CA5A: variants seen among roughly 807,000 people sequenced by gnomAD.
The protein encoded by CA5A is carbonic anhydrase 5A, also known as carbonic anhydrase 5A, mitochondrial.
Under a neutral mutation model 37.1 loss-of-function variants are expected in CA5A, and 28 were observed. The observed-to-expected ratio is 0.75, with a 90% CI of 0.56 to 1.03. The LOEUF is 1.03. Ranked by LOEUF, CA5A falls within the 50% of genes least tolerant of loss-of-function variation. The pLI is 0.00. For missense variants in CA5A, 444 were observed against 399.9 expected (o/e 1.11, Z -0.94); for synonymous variants, 171 against 158.4 (o/e 1.08, Z -0.60).
chr16:87,902,375 T>C (rs1287173598), intron 4 of CA5A, 50 bp downstream of exon 4: 2 of 1,104,488 alleles, frequency 1.8e-6, no homozygotes, highest in African/African-American at 1.6e-5. Flanking sequence ...GCAATCCTAA[T>C]GATGGATCAC....
At chr16:87,904,297 G>A (rs1034136653) in intron 3 of CA5A, among the ~76,000 whole-genome samples, 3 of 151,456 alleles carry the variant, frequency 2.0e-5, no homozygotes, top group African/African-American at 7.3e-5. Flanking sequence ...AGCCAAGATT[G>A]CACCAATGCA....
intron 5 of CA5A, among the ~76,000 whole-genome samples, chr16:87,894,448 G>C (rs1011926225): frequency 1.3e-5 from 2 of 152,060 alleles, no homozygotes; most frequent in African/African-American, 2.4e-5. Flanking sequence ...CTAACATCAA[G>C]CAGTGAGGGT....
rs1332880159 is a variant in CA5A at position 87,926,942 on chromosome 16, T to G, written c.146A>C (p.His49Pro). The change falls in exon 2 of 7, where the codon CAC (histidine) becomes CCC (proline). Residue 49 changes from histidine to proline, a missense_variant. Physicochemically the swap from His to Pro is moderately conservative, Grantham distance 77. Transcript: ENST00000649794. ...GGAGACCGGGACCGTCCAGAGTGGG[T>G]GCACTGCAGGGAGAGAGACGGAGAC... is the stretch of plus-strand genomic sequence containing the variant. ...CAWQTSNNTL[H>P]PLWTVPVSVP... 1 of 1,572,084 alleles carries G rather than the reference T, an allele frequency of 6.4e-7. No individual in the cohort carries two copies. Among genetic ancestry groups the G allele is most frequent in the Non-Finnish European group, 8.6e-7 (1 of 1,156,772 alleles).
intron 2 of CA5A, among the ~76,000 whole-genome samples, chr16:87,921,739 A>G (rs1216727151): frequency 2.0e-5 from 3 of 152,200 alleles, no homozygotes; most frequent in Non-Finnish European, 4.4e-5. Context: ...TTACAAAGCC[A>G]CGGACTGGCG....
intron 2 of CA5A, among the ~76,000 whole-genome samples, chr16:87,912,289 G>C (rs966871776): frequency 1.4e-4 from 21 of 152,114 alleles, no homozygotes; most frequent in African/African-American, 4.8e-4. Context: ...GCGACAGAGG[G>C]AGACTCCATC....
At chr16:87,884,567 C>CAA (rs1213285823), downstream of CA5A, 680 of 111,794 alleles carry the variant, frequency 6.1e-3, 11 homozygotes, top group Middle Eastern at 0.02. Context: ...AACTCTGTCT[C>CAA]AAAAAAAAAA....
intron 5 of CA5A, among the ~76,000 whole-genome samples, chr16:87,901,397 G>A (rs2055875103): frequency 6.6e-6 from 1 of 152,140 alleles, no homozygotes; most frequent in African/African-American, 2.4e-5. Flanking sequence ...CCAGAGCAGT[G>A]GTGATGCATT....
chr16:87,891,770 C>T (rs1472286782), intron 6 of CA5A, 29 bp downstream of exon 6: 10 of 1,467,616 alleles, frequency 6.8e-6, no homozygotes, highest in Non-Finnish European at 9.0e-6. Flanking sequence ...CCATGAAGCG[C>T]CATCGTGCCA....
At chr16:87,913,939 A>C (rs1356432128) in intron 2 of CA5A, among the ~76,000 whole-genome samples, 1 of 152,148 alleles carries the variant, frequency 6.6e-6, no homozygotes, top group East Asian at 1.9e-4. Flanking sequence ...AGCGTAAGTG[A>C]TGTTCACCAC....
intron 2 of CA5A, among the ~76,000 whole-genome samples, chr16:87,917,006 G>A (rs1205107061): frequency 6.6e-6 from 1 of 151,720 alleles, no homozygotes; most frequent in Non-Finnish European, 1.5e-5. Flanking sequence ...TCGGGAGGCT[G>A]AGGCAGGAGA....
rs1002797797 is a variant in CA5A, at chr16:87,911,830, G to C, written c.341-6926C>G. 2.0e-5 allele frequency among the ~76,000 whole-genome samples: 3 copies of C among 152,164 alleles called. No homozygotes were observed. Among genetic ancestry groups the C allele is most frequent in the African/African-American group, 7.2e-5 (3 of 41,438 alleles). On this transcript the variant is annotated intron_variant, in intron 2 of 6. Transcript: ENST00000649794. This position sits in a 1 kb window ranked among gnomAD's most constrained non-coding sequence, Gnocchi z 4.6. ...GCTTTGCAAGTTGTTTTATAGGTCT[G>C]TGGCCCAGACTAGACGTTTATAAAA...
intron 6 of CA5A, among the ~76,000 whole-genome samples, chr16:87,890,216 C>G (rs1020365339): frequency 6.6e-6 from 1 of 152,198 alleles, no homozygotes; most frequent in African/African-American, 2.4e-5. Flanking sequence ...TGTTCTGAGA[C>G]GAATGCCCTG....
chr16:87,884,554 C>T (rs1420188980), downstream of CA5A: 4 of 130,426 alleles, frequency 3.1e-5, no homozygotes, highest in African/African-American at 1.2e-4. Flanking sequence ...GCGACAAGAG[C>T]AAAACTCTGT....
intron 1 of CA5A, among the ~76,000 whole-genome samples, chr16:87,929,887 A>AAT (rs1266498218): frequency 6.6e-6 from 1 of 151,618 alleles, no homozygotes; most frequent in African/African-American, 2.4e-5. Context: ...AAAAAAAAAA[A>AAT]AAAAAAAAAT....
chr16:87,898,614 G>C (rs1454297615), intron 5 of CA5A, among the ~76,000 whole-genome samples: 4 of 152,160 alleles, frequency 2.6e-5, no homozygotes, highest in Admixed American at 1.3e-4. Flanking sequence ...TTCCACAGCA[G>C]ACTTGAGTGT....
At chr16:87,890,293 G>A (rs1027538224) in intron 6 of CA5A, among the ~76,000 whole-genome samples, 3 of 151,446 alleles carry the variant, frequency 2.0e-5, no homozygotes, top group African/African-American at 4.9e-5. Flanking sequence ...CCCAGAATGG[G>A]CACTTGTCAC....
Position 87,915,105 on chromosome 16 carries a change from G to A in CA5A, c.341-10201C>T, listed in dbSNP as rs574999563. On this transcript the variant is annotated intron_variant, in intron 2 of 6. Coordinates refer to ENST00000649794, the MANE Select transcript of CA5A (RefSeq NM_001739.2). ...CCCCAGGAGCCACCGAATGAGGCTC[G>A]ATGAAACCTCGACTCGCGTTGCAGC... Among the ~76,000 whole-genome samples the A allele has an allele frequency of 9.1e-4, 138 of 152,302 alleles. 1 individual carries two copies. Among genetic ancestry groups the A allele is most frequent in the Non-Finnish European group, 1.5e-3 (105 of 68,018 alleles).
chr16:87,917,761 AGTGCACAT>A lies in CA5A; in HGVS notation c.340+8979_340+8986del, dbSNP rs1254067411. The stretch of plus-strand genomic sequence containing the variant: ...AACACACATGCACACATGTATACAC[AGTGCACAT>A]GTGCACACATGCACACATGTATACA... On this transcript the variant is annotated intron_variant, in intron 2 of 6. Transcript: ENST00000649794. Among the ~76,000 whole-genome samples the A allele has an allele frequency of 1.9e-4, 19 of 97,608 alleles. 1 individual carries two copies. Among genetic ancestry groups the A allele is most frequent in the Non-Finnish European group, 3.2e-4 (18 of 55,892 alleles). 64.0% of individuals were successfully genotyped at this position (97,608 alleles called of 152,430 possible).
chr16:87,921,023 C>T (rs893364628), intron 2 of CA5A, among the ~76,000 whole-genome samples: 5 of 152,036 alleles, frequency 3.3e-5, no homozygotes, highest in African/African-American at 1.2e-4. Context: ...GAACTCCTGA[C>T]CTCAGGTGAT....
Sources: gnomAD v4.1 joint callset for allele counts (sites outside exome capture counted in the v4.1 genomes callset) on GRCh38, gnomAD v4.1.1 for gene constraint, Gnocchi (gnomAD v3.1) non-coding constraint, MANE v1.5 for transcripts, NCBI Gene and HGNC (gene_info 2026-07-23, HGNC 2026-07-21) for gene names.